The following SENP7 variants were observed in gnomAD, a reference collection of about 807,000 sequenced individuals.
SENP7 encodes sentrin-specific protease 7.
SENP7 carries 64 observed loss-of-function variants against 141.2 expected under a neutral mutation model. That is an observed-to-expected ratio of 0.45 (90% confidence interval 0.37 to 0.56). The LOEUF (loss-of-function observed/expected upper bound fraction) is 0.56, where lower values mean the gene tolerates loss of function less well. Ranked by LOEUF, SENP7 falls within the 20% of genes least tolerant of loss-of-function variation. SENP7 has a pLI of 0.00. For synonymous variants in SENP7, 382 were observed against 426.4 expected, an observed-to-expected ratio of 0.90 and a Z score of 1.28; for missense variants, 1,025 against 1,212.2, an observed-to-expected ratio of 0.85 and a Z score of 2.29.
intron 4 of SENP7, among the ~76,000 whole-genome samples, chr3:101,456,941 T>TTTTTG (rs57842838): frequency 0.037 from 5,576 of 150,310 alleles, 221 homozygotes; most frequent in African/African-American, 0.1. Context: ...TGATATAAGC[T>TTTTTG]TTTTGTTTTG....
chr3:101,428,944 G>C (rs1227932550), intron 4 of SENP7, among the ~76,000 whole-genome samples: 1 of 152,198 alleles, frequency 6.6e-6, no homozygotes, highest in Non-Finnish European at 1.5e-5. Flanking sequence ...TTATTAAATA[G>C]GGAATCCTTT....
intron 16 of SENP7, among the ~76,000 whole-genome samples, chr3:101,339,637 G>C (rs1576000774): frequency 6.6e-6 from 1 of 151,914 alleles, no homozygotes; most frequent in African/African-American, 2.4e-5. Flanking sequence ...AAAATAGCTT[G>C]AACCCAGGAG....
chr3:101,419,572 T>C (rs2061726852), intron 4 of SENP7, among the ~76,000 whole-genome samples: 1 of 152,052 alleles, frequency 6.6e-6, no homozygotes, highest in Non-Finnish European at 1.5e-5. Context: ...CAAATGAAAG[T>C]AGTTGAGAAA....
intron 3 of SENP7, among the ~76,000 whole-genome samples, chr3:101,464,535 T>C (rs1175424128): frequency 6.6e-6 from 1 of 152,076 alleles, no homozygotes; most frequent in Non-Finnish European, 1.5e-5. Context: ...ACTGGTTGCA[T>C]GCTCCTTATG....
chr3:101,371,762 C>A (rs2060187133), intron 7 of SENP7, among the ~76,000 whole-genome samples: 1 of 151,896 alleles, frequency 6.6e-6, no homozygotes, highest in Non-Finnish European at 1.5e-5. Flanking sequence ...TAGCTATATC[C>A]AAGTCTCCCC....
chr3:101,433,979 T>TAC (rs55786922), intron 4 of SENP7, among the ~76,000 whole-genome samples: 103,321 of 151,754 alleles, frequency 0.68, 35,670 homozygotes, highest in African/African-American at 0.78. Context: ...AGCTGCAGAA[T>TAC]ACATTCTTTT....
intron 6 of SENP7, 33 bp downstream of exon 6, chr3:101,398,828 A>G: frequency 7.2e-7 from 1 of 1,398,086 alleles, no homozygotes; most frequent in African/African-American, 1.4e-5. Context: ...AAATAAATAT[A>G]ATTATTTTGA....
intron 4 of SENP7, among the ~76,000 whole-genome samples, chr3:101,424,713 C>A (rs908722354): frequency 6.6e-6 from 1 of 152,070 alleles, no homozygotes; most frequent in African/African-American, 2.4e-5. Context: ...ACTCCTGCTC[C>A]CCATCAGCCA....
chr3:101,358,703 C>T (rs867930549), intron 11 of SENP7: 10 of 159,454 alleles, frequency 6.3e-5, no homozygotes, highest in Middle Eastern at 3.2e-3. Flanking sequence ...GGCATGATTT[C>T]ACCTCACTGC....
chr3:101,463,967 G>A (rs1481002832), intron 3 of SENP7, among the ~76,000 whole-genome samples: 1 of 152,020 alleles, frequency 6.6e-6, no homozygotes, highest in Non-Finnish European at 1.5e-5. Context: ...TGGGATTACA[G>A]GCACCCACTA....
At chr3:101,427,596 A>C (rs1484900220) in intron 4 of SENP7, among the ~76,000 whole-genome samples, 3 of 152,100 alleles carry the variant, frequency 2.0e-5, no homozygotes, top group Non-Finnish European at 4.4e-5. Flanking sequence ...GGGACCTGGC[A>C]AAATGCACCT....
In SENP7 at chr3:101,417,651, T is replaced by C; in HGVS notation, c.424A>G (p.Ser142Gly). The C allele has an allele frequency of 6.2e-7, 1 of 1,614,000 alleles. No individual in the cohort carries two copies. Residue 142 changes from serine to glycine, a missense_variant, in exon 5 of 24, where the codon AGC (serine) becomes GGC (glycine). Ser to Gly is a moderately conservative substitution (Grantham distance 56). This residue lies in a region of SENP7 where 496 missense variants were observed against 503.5 expected (regional missense o/e 0.99). Transcript: ENST00000394095. Reference sequence around the variant, plus strand: ...TCTAATTTTTGACATGTCTCTAGGCTGTCAACAGATGTCGAAGGCAATGAG... The same window carrying C: ...TCTAATTTTTGACATGTCTCTAGGCCGTCAACAGATGTCGAAGGCAATGAG... ...SDSLPSTSVD[S>G]LETCQKLEPL...
intron 6 of SENP7, among the ~76,000 whole-genome samples, chr3:101,395,855 A>C (rs2060953921): frequency 1.3e-5 from 2 of 151,956 alleles, no homozygotes; most frequent in African/African-American, 4.9e-5. Flanking sequence ...TCCTTTTATA[A>C]TACTTCTGAT....
chr3:101,414,420 C>G, intron 5 of SENP7: 1 of 1,143,362 alleles, frequency 8.7e-7, no homozygotes, highest in South Asian at 1.2e-5. Context: ...AGGCTTTGGT[C>G]ACCAGTGAGT....
At chr3:101,350,960 AAATCCAACT>A (rs1211074686) in intron 12 of SENP7, among the ~76,000 whole-genome samples, 3 of 152,028 alleles carry the variant, frequency 2.0e-5, no homozygotes, top group South Asian at 2.1e-4. Context: ...GAATCCAACT[AAATCCAACT>A]AATCCAACTA....
At chr3:101,480,761 CA>C (rs976286047) in intron 3 of SENP7, among the ~76,000 whole-genome samples, 6 of 151,966 alleles carry the variant, frequency 3.9e-5, no homozygotes, top group Middle Eastern at 3.2e-3. Context: ...CCAGAATACA[CA>C]AGGAACTCAA....
intron 3 of SENP7, among the ~76,000 whole-genome samples, chr3:101,464,391 A>C (rs142491346): frequency 0.017 from 2,541 of 152,200 alleles, 44 homozygotes; most frequent in Non-Finnish European, 0.025. Context: ...CAAGTGAGCA[A>C]CTGAAACTTC....
Position 101,369,957 on chromosome 3 carries a change from A to G in SENP7, c.797-1946T>C, listed in dbSNP as rs73863083. Reference sequence around the variant, plus strand: ...TATTATGTTGGTGAAAGCAAATTCCACAAGGCAAACTTAATGTGCTATGGA... The same window carrying G: ...TATTATGTTGGTGAAAGCAAATTCCGCAAGGCAAACTTAATGTGCTATGGA... On this transcript the variant is annotated intron_variant, in intron 7 of 23. Coordinates refer to ENST00000394095, the MANE Select transcript of SENP7 (RefSeq NM_020654.5). 8.5e-3 allele frequency among the ~76,000 whole-genome samples: 1,289 copies of G among 152,294 alleles called. 24 individuals are homozygous for G. The highest frequency in any genetic ancestry group is 0.029 in the African/African-American group (1,204 of 41,570).
At chr3:101,408,311 A>C (rs1325842443) in intron 5 of SENP7, among the ~76,000 whole-genome samples, 1 of 152,130 alleles carries the variant, frequency 6.6e-6, no homozygotes, top group African/African-American at 2.4e-5. Context: ...CAACAAAAAA[A>C]AGCCCAGGAC....
Sources: allele counts gnomAD v4.1 joint callset (sites outside exome capture counted in the v4.1 genomes callset), GRCh38; gene constraint gnomAD v4.1.1; regional missense constraint gnomAD v4.1.1; transcripts MANE v1.5; gene names NCBI Gene and HGNC (gene_info 2026-07-23, HGNC 2026-07-21).